The following PCDHA2 variants were observed in gnomAD, a reference collection of about 807,000 sequenced individuals.
PCDHA2 encodes the protein protocadherin alpha-2.
PCDHA2 carries 58 observed loss-of-function variants against 66.0 expected under a neutral mutation model. The ratio of observed to expected loss-of-function variants is 0.88; its 90% CI spans 0.71 to 1.09. The LOEUF (loss-of-function observed/expected upper bound fraction) is 1.09, where lower values mean the gene tolerates loss of function less well. Ranked by LOEUF, PCDHA2 falls within the 50% of genes least tolerant of loss-of-function variation. PCDHA2 has a pLI of 0.00. For missense variants in PCDHA2, 1,267 were observed against 1,242.3 expected (o/e 1.02, Z -0.30); for synonymous variants, 634 against 554.0 (o/e 1.14, Z -2.03).
At chr5:140,836,213 G>T in intron 1 of PCDHA2, 4 of 1,613,848 alleles carry the variant, frequency 2.5e-6, no homozygotes, top group Non-Finnish European at 2.5e-6. Flanking sequence ...TTTCGTATGA[G>T]TTGCAACCGG....
At chr5:140,967,669 G>T (rs782398219) in intron 1 of PCDHA2, 1 of 1,614,126 alleles carries the variant, frequency 6.2e-7, no homozygotes, top group Non-Finnish European at 8.5e-7. Context: ...GCTACACGTC[G>T]GACCGGGAGA....
chr5:140,987,007 A>C (rs2097221901), intron 3 of PCDHA2, among the ~76,000 whole-genome samples: 1 of 152,142 alleles, frequency 6.6e-6, no homozygotes, highest in African/African-American at 2.4e-5. Context: ...TGAGGTCATG[A>C]GTTCGAGACC....
intron 3 of PCDHA2, among the ~76,000 whole-genome samples, chr5:141,007,109 GA>G (rs1473367544): frequency 6.6e-6 from 1 of 152,138 alleles, no homozygotes; most frequent in Non-Finnish European, 1.5e-5. Flanking sequence ...CAAACCCAAG[GA>G]AGCTTCAACA....
chr5:140,964,857 CAA>C (rs1352009406), intron 1 of PCDHA2, among the ~76,000 whole-genome samples: 5 of 152,088 alleles, frequency 3.3e-5, no homozygotes, highest in Admixed American at 3.3e-4. Context: ...CTTGAGGAAA[CAA>C]AGAGGACAAA....
chr5:140,803,153 G>A (rs1554122598), intron 1 of PCDHA2: 2 of 1,613,878 alleles, frequency 1.2e-6, no homozygotes, highest in East Asian at 2.2e-5. Context: ...TGCTGGTGAA[G>A]GACCACGGTG....
At chr5:140,889,763 T>C (rs2062377523) in intron 1 of PCDHA2, among the ~76,000 whole-genome samples, 1 of 152,192 alleles carries the variant, frequency 6.6e-6, no homozygotes, top group African/African-American at 2.4e-5. Context: ...TCCTTGAACT[T>C]TGACTGGTCT....
rs2150477113 is a variant in PCDHA2, at chr5:140,850,276, T to G, written c.2388+52924T>G. 19 of 1,594,568 alleles carry G rather than the reference T, an allele frequency of 1.2e-5. 1 individual carries two copies. The highest frequency in any genetic ancestry group is 1.5e-5 in the Non-Finnish European group (18 of 1,167,356). ...GGCGCCGGCGTAGTGGTGGGGAAGG[T>G]GCGCGCAGTGGACGCCGACTCGGGC... is the stretch of plus-strand genomic sequence containing the variant. On this transcript the variant is annotated intron_variant, in intron 1 of 3. Coordinates refer to ENST00000526136, the MANE Select transcript of PCDHA2 (RefSeq NM_018905.3).
chr5:140,918,496 A>G lies in PCDHA2; in HGVS notation c.2389-60453A>G, dbSNP rs79827125. Among the ~76,000 whole-genome samples the G allele has an allele frequency of 8.0e-3, 1,215 of 152,276 alleles. 6 individuals are homozygous for G. Among genetic ancestry groups the G allele is most frequent in the African/African-American group, 0.019 (784 of 41,558 alleles). On this transcript the variant is annotated intron_variant, in intron 1 of 3. Transcript: ENST00000526136. ...TCTCAAGGGGAATGCTTTGGATGGT[A>G]CCAATCCTTTTAAACTTATTGAGGA...
intron 3 of PCDHA2, among the ~76,000 whole-genome samples, chr5:140,985,903 C>G (rs1554247500): frequency 6.6e-6 from 1 of 151,964 alleles, no homozygotes; most frequent in Non-Finnish European, 1.5e-5. Context: ...CCACTCCCGT[C>G]TAATTTTTTG....
At chr5:140,837,655 T>G (rs1323533582) in intron 1 of PCDHA2, among the ~76,000 whole-genome samples, 2 of 151,204 alleles carry the variant, frequency 1.3e-5, no homozygotes, top group Admixed American at 1.3e-4. Flanking sequence ...CTTTCTTCCT[T>G]TTTCTTTCAT....
intron 1 of PCDHA2, among the ~76,000 whole-genome samples, chr5:140,954,973 G>T (rs781943510): frequency 7.9e-5 from 12 of 152,124 alleles, no homozygotes; most frequent in Non-Finnish European, 1.3e-4. Context: ...AAAGGGTCCA[G>T]TTTCAATTTT....
At chr5:140,801,831 A>G in intron 1 of PCDHA2, 2 of 1,614,158 alleles carry the variant, frequency 1.2e-6, no homozygotes, top group Non-Finnish European at 1.7e-6. Context: ...TTATTTACTA[A>G]TAACAGCAAT....
intron 1 of PCDHA2, among the ~76,000 whole-genome samples, chr5:140,818,327 G>A (rs2150100834): frequency 0.059 from 8,913 of 152,042 alleles, 865 homozygotes; most frequent in African/African-American, 0.2. Context: ...ATTTTATCTT[G>A]TTATTCTAGG....
At chr5:140,822,792 C>A in intron 1 of PCDHA2, 1 of 1,614,074 alleles carries the variant, frequency 6.2e-7, no homozygotes, top group East Asian at 2.2e-5. Flanking sequence ...TAGTGAAACT[C>A]CTGGATGTGA....
At chr5:140,836,696 C>T (rs140050284) in intron 1 of PCDHA2, 1 of 1,613,304 alleles carries the variant, frequency 6.2e-7, no homozygotes, top group African/African-American at 1.3e-5. Context: ...ACCTCATGGC[C>T]TTCAGTCCCA....
At chr5:140,871,315 C>A (rs908582761) in intron 1 of PCDHA2, 1 of 1,613,928 alleles carries the variant, frequency 6.2e-7, no homozygotes, top group African/African-American at 1.3e-5. Context: ...GAAGCCCACG[C>A]TGGTGTGCTC....
chr5:140,869,091 A>C, intron 1 of PCDHA2: 1 of 1,591,040 alleles, frequency 6.3e-7, no homozygotes, highest in Non-Finnish European at 8.6e-7. Context: ...TTTGGAAGCC[A>C]ATTTCGTATG....
chr5:140,966,183 C>T (rs1399845859), intron 1 of PCDHA2: 1 of 195,556 alleles, frequency 5.1e-6, no homozygotes, highest in African/African-American at 2.3e-5. Flanking sequence ...AGCTGATAGC[C>T]AGACTTCTAG....
chr5:140,803,373 C>G, intron 1 of PCDHA2: 1 of 1,614,218 alleles, frequency 6.2e-7, no homozygotes, highest in Non-Finnish European at 8.5e-7. Context: ...GTGCTCCGCG[C>G]CGCCAACCGA....
Sources: gnomAD v4.1 joint callset for allele counts (sites outside exome capture counted in the v4.1 genomes callset) on GRCh38, gnomAD v4.1.1 for gene constraint, MANE v1.5 for transcripts, NCBI Gene and HGNC (gene_info 2026-07-23, HGNC 2026-07-21) for gene names.